Variants in TMEM74 observed in about 807,000 individuals in gnomAD.
The protein encoded by TMEM74 is transmembrane protein 74.
Under a neutral mutation model 18.1 loss-of-function variants are expected in TMEM74, and 13 were observed. The observed-to-expected ratio is 0.72, with a 90% CI of 0.47 to 1.14. The LOEUF is 1.14. Among genes scored for constraint, TMEM74 ranks in the 50% most tolerant of loss-of-function variants. The pLI, the probability that TMEM74 is intolerant of heterozygous loss-of-function variation, is 0.00. For synonymous variants in TMEM74, 159 were observed against 146.6 expected (o/e 1.08, Z -0.61); for missense variants, 372 against 375.9 (o/e 0.99, Z 0.09).
chr8:108,690,752 C>T lies in TMEM74; in HGVS notation n.120-35315G>A, dbSNP rs185637429. On this transcript the variant is annotated intron_variant and non_coding_transcript_variant, in intron 1 of 3. Coordinates refer to the TMEM74 transcript ENST00000518838. ...CAGGAGAATGGCTGAACCCGGGAGG[C>T]GGAGGTTGCAGTGAGCTGAGATTGT... 4.1e-3 allele frequency among the ~76,000 whole-genome samples: 620 copies of T among 152,044 alleles called. 5 individuals are homozygous for T. The highest frequency in any genetic ancestry group is 0.014 in the African/African-American group (599 of 41,468).
intron 1 of TMEM74, among the ~76,000 whole-genome samples, chr8:108,701,610 G>A (rs1813335933): frequency 6.6e-6 from 1 of 152,116 alleles, no homozygotes; most frequent in Admixed American, 6.5e-5. Flanking sequence ...ATGAACAACT[G>A]TAAATTGAAA....
intron 1 of TMEM74, among the ~76,000 whole-genome samples, chr8:108,720,761 TG>T (rs1813579629): frequency 1.0e-5 from 1 of 97,418 alleles, no homozygotes; most frequent in African/African-American, 4.2e-5. Context: ...TTTATTAGTT[TG>T]TTTGTTTGTT....
At chr8:108,765,303 A>C (rs1254048833) in intron 1 of TMEM74, among the ~76,000 whole-genome samples, 1 of 152,012 alleles carries the variant, frequency 6.6e-6, no homozygotes, top group Non-Finnish European at 1.5e-5. Flanking sequence ...TTTTTAGTCA[A>C]GATTCTGAGA....
At chr8:108,767,917 C>T (rs1814128690) in intron 1 of TMEM74, among the ~76,000 whole-genome samples, 2 of 151,792 alleles carry the variant, frequency 1.3e-5, no homozygotes, top group Non-Finnish European at 1.5e-5. Context: ...TATTCTTTTA[C>T]TCAAAGAAGA....
chr8:108,755,419 G>A (rs1586285692), intron 1 of TMEM74, among the ~76,000 whole-genome samples: 2 of 152,080 alleles, frequency 1.3e-5, no homozygotes, highest in South Asian at 4.1e-4. Context: ...TTGTCATACA[G>A]CATAGAAAAC....
chr8:108,685,277 T>C (rs1483856513), intron 1 of TMEM74, among the ~76,000 whole-genome samples: 1 of 152,176 alleles, frequency 6.6e-6, no homozygotes, highest in African/African-American at 2.4e-5. Context: ...GATTTTTGTA[T>C]GTTAATTCTG....
chr8:108,628,262 T>C (rs1812515941), intron 2 of TMEM74, among the ~76,000 whole-genome samples: 1 of 151,968 alleles, frequency 6.6e-6, no homozygotes, highest in African/African-American at 2.4e-5. Flanking sequence ...TTTATCACCT[T>C]TTTGAATGTA....
intron 1 of TMEM74, among the ~76,000 whole-genome samples, chr8:108,691,370 C>T (rs1813229386): frequency 6.6e-6 from 1 of 152,130 alleles, no homozygotes; most frequent in Non-Finnish European, 1.5e-5. Context: ...TCAACATGTG[C>T]CTGAAGTGCC....
intron 1 of TMEM74, among the ~76,000 whole-genome samples, chr8:108,748,658 G>T (rs1228391140): frequency 6.8e-6 from 1 of 147,182 alleles, no homozygotes; most frequent in African/African-American, 2.5e-5. Context: ...ATATGGTATG[G>T]TATTGCCATA....
At chr8:108,610,594 A>G (rs1466601373) in intron 2 of TMEM74, among the ~76,000 whole-genome samples, 2 of 152,344 alleles carry the variant, frequency 1.3e-5, no homozygotes, top group Non-Finnish European at 2.9e-5. Flanking sequence ...ACATTTGGGT[A>G]GAACTTAAAG....
At position 108,783,620 on chromosome 8, in the gene TMEM74, A is replaced by AT. The variant is rs951171707; in HGVS notation, c.*560dup. 8.5e-5 allele frequency: 13 copies of AT among 152,146 alleles called. No homozygotes were observed. Among genetic ancestry groups the AT allele is most frequent in the African/African-American group, 2.9e-4 (12 of 41,426 alleles). The allele number at this position is 152,146 out of a possible 1,614,324, so 9.4% of individuals were successfully genotyped here. ...AAACAGGAATAATTTCAAACATAAC[A>AT]TTTTTTACAATAAGGAAAGCCCAAC... is the stretch of plus-strand genomic sequence containing the variant. On this transcript the variant is annotated 3_prime_UTR_variant, in exon 2 of 2. Coordinates refer to ENST00000297459, the MANE Select transcript of TMEM74 (RefSeq NM_153015.3).
intron 1 of TMEM74, among the ~76,000 whole-genome samples, chr8:108,747,535 TTC>T (rs368524691): frequency 4.5e-4 from 67 of 149,820 alleles, no homozygotes; most frequent in African/African-American, 8.3e-4. Context: ...AGAAGCACAC[TTC>T]TCTCTCTCTC....
intron 2 of TMEM74, among the ~76,000 whole-genome samples, chr8:108,610,529 G>A (rs1812324080): frequency 1.3e-5 from 2 of 152,156 alleles, no homozygotes; most frequent in African/African-American, 4.8e-5. Flanking sequence ...GAGAATGTGG[G>A]AAAATGGGTA....
intron 2 of TMEM74, among the ~76,000 whole-genome samples, chr8:108,620,662 T>G (rs1427255136): frequency 6.6e-6 from 1 of 152,146 alleles, no homozygotes; most frequent in Non-Finnish European, 1.5e-5. Flanking sequence ...ATCAGAAGTC[T>G]CGGAAAGATA....
intron 2 of TMEM74, among the ~76,000 whole-genome samples, chr8:108,618,353 A>G (rs1386164033): frequency 1.3e-5 from 2 of 152,130 alleles, no homozygotes; most frequent in Non-Finnish European, 2.9e-5. Context: ...TTTCCTTGTT[A>G]GGTCTTTGCT....
chr8:108,784,878 C>T lies in TMEM74; in HGVS notation c.221G>A (p.Ser74Asn). Reference protein sequence around the residue: ...PASPSSSLQNSTLQPDAFPPG... With the variant: ...PASPSSSLQNNTLQPDAFPPG... ...TGGAAAGGCATCTGGCTGAAGAGTA[C>T]TGTTTTGCAGAGAGGAGGAGGGGGA... is the stretch of plus-strand genomic sequence containing the variant. The change falls in exon 2 of 2, where the codon AGT becomes AAT. Residue 74 changes from serine to asparagine, a missense_variant. By Grantham distance (46) the Ser-to-Asn change is conservative. Transcript: ENST00000297459. 1 of 1,614,134 alleles carries T rather than the reference C, an allele frequency of 6.2e-7. No homozygotes were observed. The highest frequency in any genetic ancestry group is 1.1e-5 in the South Asian group (1 of 91,066).
intron 1 of TMEM74, among the ~76,000 whole-genome samples, chr8:108,718,326 G>GA (rs908530147): frequency 6.6e-6 from 1 of 152,078 alleles, no homozygotes. Flanking sequence ...GTACCAGTTA[G>GA]AAAAATATGC....
At chr8:108,761,805 A>C (rs1222600112) in intron 1 of TMEM74, among the ~76,000 whole-genome samples, 4 of 152,182 alleles carry the variant, frequency 2.6e-5, no homozygotes, top group African/African-American at 9.7e-5. Flanking sequence ...CTTATGAAAT[A>C]TATTTCAAGG....
At chr8:108,674,531 T>C (rs1248337875) in intron 1 of TMEM74, among the ~76,000 whole-genome samples, 2 of 152,240 alleles carry the variant, frequency 1.3e-5, no homozygotes, top group Non-Finnish European at 2.9e-5. Flanking sequence ...GGCCAGTAAG[T>C]CTGAAGATTC....
Sources: gnomAD v4.1 joint callset for allele counts (sites outside exome capture counted in the v4.1 genomes callset) on GRCh38, gnomAD v4.1.1 for gene constraint, MANE v1.5 for transcripts, NCBI Gene and HGNC (gene_info 2026-07-23, HGNC 2026-07-21) for gene names.